Variants in PPP1R16B observed in about 807,000 individuals in gnomAD.
PPP1R16B encodes the protein protein phosphatase 1 regulatory subunit 16B.
PPP1R16B carries 14 observed loss-of-function variants against 61.7 expected under a neutral mutation model. The observed-to-expected ratio is 0.23, with a 90% CI of 0.15 to 0.35. The LOEUF (loss-of-function observed/expected upper bound fraction) is 0.35, where lower values mean the gene tolerates loss of function less well. Among genes scored for constraint, PPP1R16B ranks in the 10% least tolerant of loss-of-function variants. PPP1R16B has a pLI of 1.00. For synonymous variants in PPP1R16B, 266 were observed against 305.3 expected (o/e 0.87, Z 1.34); for missense variants, 547 against 752.5 (o/e 0.73, Z 3.19).
chr20:38,916,031 A>G (rs1011461375), intron 10 of PPP1R16B, among the ~76,000 whole-genome samples: 5 of 150,788 alleles, frequency 3.3e-5, no homozygotes, highest in African/African-American at 9.8e-5. Context: ...TCTCCATGAC[A>G]TGGCATCAGT....
At chr20:38,900,403 C>T (rs552095905) in intron 4 of PPP1R16B, among the ~76,000 whole-genome samples, 178 bp from the exon 5 acceptor site, 1 of 152,178 alleles carries the variant, frequency 6.6e-6, no homozygotes, top group Non-Finnish European at 1.5e-5. Flanking sequence ...CTGAAGCTGT[C>T]GTGCTCTTGG....
intron 10 of PPP1R16B, among the ~76,000 whole-genome samples, chr20:38,911,434 G>A (rs1413687995): frequency 6.6e-6 from 1 of 151,996 alleles, no homozygotes; most frequent in African/African-American, 2.4e-5. Flanking sequence ...CCAAAGTGCT[G>A]GGATTACAGG....
intron 3 of PPP1R16B, among the ~76,000 whole-genome samples, chr20:38,892,922 G>A (rs1186240678): frequency 6.6e-6 from 1 of 152,230 alleles, no homozygotes; most frequent in Non-Finnish European, 1.5e-5. Flanking sequence ...GGCACAGTTA[G>A]AGAGCAGGGA....
chr20:38,881,220 A>G (rs2085201406), intron 2 of PPP1R16B, among the ~76,000 whole-genome samples: 1 of 152,220 alleles, frequency 6.6e-6, no homozygotes. Flanking sequence ...CCTCAGCTCC[A>G]GGCAGCCGGG....
rs755727509 is a variant in PPP1R16B at position 38,918,705 on chromosome 20, C to T, written c.*39C>T. 2.7e-6 allele frequency: 4 copies of T among 1,485,496 alleles called. No homozygotes were observed. The highest frequency in any genetic ancestry group is 2.8e-5 in the South Asian group (2 of 70,614). 92.0% of individuals were successfully genotyped at this position (1,485,496 alleles called of 1,614,324 possible). A position where few individuals can be genotyped will look rare whatever the true frequency, so the allele number is the denominator to read the frequency against. ...GAGGAGGGAGATGCCTGGGGAGGGG[C>T]TCCTGGAATCCAGGCCAGCCCAACA... On this transcript the variant is annotated 3_prime_UTR_variant, in exon 11 of 11. Coordinates refer to ENST00000299824, the MANE Select transcript of PPP1R16B (RefSeq NM_015568.4). The surrounding 1 kb of genome is among the most constrained non-coding windows in gnomAD (Gnocchi z 5.3).
Position 38,835,971 on chromosome 20 carries a change from A to AAGGT in PPP1R16B, c.47_50dup (p.Pro18GlyfsTer36). 1 of 1,549,666 alleles carries AAGGT rather than the reference A, an allele frequency of 6.5e-7. No individual in the cohort carries two copies. The highest frequency in any genetic ancestry group is 8.7e-7 in the Non-Finnish European group (1 of 1,148,224). ...GCTGACGGAGCTGCAGCTGCTGGAG[A>AAGGT]AGGTGCCCACGCTGGAGCGGCTGCG... On this transcript the variant is annotated frameshift_variant, in exon 2 of 11. Coordinates refer to ENST00000299824, the MANE Select transcript of PPP1R16B (RefSeq NM_015568.4). LOFTEE classifies it high-confidence loss of function.
intron 10 of PPP1R16B, among the ~76,000 whole-genome samples, chr20:38,915,878 A>G (rs976384406): frequency 1.3e-5 from 2 of 152,016 alleles, no homozygotes; most frequent in Non-Finnish European, 2.9e-5. Flanking sequence ...TCTAAGCATC[A>G]GCAGGAAATT....
In PPP1R16B at chr20:38,889,673, C is replaced by T. The variant is rs370503844; in HGVS notation, c.321+8C>T. ...CTCACAGCCCTACACCAGGTAAGGC[C>T]GGGCTCGTTGGGGCTCCAGGGCTCC... On this transcript the variant is annotated splice_region_variant and intron_variant, in intron 3 of 10. Coordinates refer to ENST00000299824, the MANE Select transcript of PPP1R16B (RefSeq NM_015568.4). 4.6e-5 allele frequency: 73 copies of T among 1,579,128 alleles called. No individual in the cohort carries two copies. Among genetic ancestry groups the T allele is most frequent in the Non-Finnish European group, 5.5e-5 (63 of 1,148,198 alleles).
intron 2 of PPP1R16B, among the ~76,000 whole-genome samples, chr20:38,882,551 C>G (rs575901212): frequency 6.6e-6 from 1 of 152,158 alleles, no homozygotes; most frequent in Non-Finnish European, 1.5e-5. Context: ...TGGCCTCACT[C>G]GATTTTGTAC....
chr20:38,878,569 C>T (rs73905696), intron 2 of PPP1R16B, among the ~76,000 whole-genome samples: 3,109 of 152,286 alleles, frequency 0.02, 108 homozygotes, highest in African/African-American at 0.072. Context: ...AGTCTCAGTG[C>T]TTACTAGCTA....
intron 10 of PPP1R16B, among the ~76,000 whole-genome samples, chr20:38,914,621 T>C (rs1045476061): frequency 1.3e-5 from 2 of 152,242 alleles, no homozygotes; most frequent in Non-Finnish European, 2.9e-5. Context: ...TTCCTCTTCC[T>C]TCAATGCTCT....
chr20:38,903,932 G>T (rs539026899), intron 6 of PPP1R16B, among the ~76,000 whole-genome samples: 64 of 152,286 alleles, frequency 4.2e-4, no homozygotes, highest in Admixed American at 1.2e-3. Flanking sequence ...CCCTGTCCCA[G>T]GCTTAGGTTC....
intron 6 of PPP1R16B, among the ~76,000 whole-genome samples, chr20:38,905,307 G>T (rs2145777196): frequency 6.6e-6 from 1 of 152,218 alleles, no homozygotes; most frequent in Non-Finnish European, 1.5e-5. Context: ...GGCTTGACTG[G>T]TACTGGAAGA....
intron 2 of PPP1R16B, among the ~76,000 whole-genome samples, chr20:38,878,919 G>A (rs1429724935): frequency 6.6e-6 from 1 of 152,180 alleles, no homozygotes; most frequent in Non-Finnish European, 1.5e-5. Context: ...GGGTTTTAGA[G>A]AGCAAGAGCG....
At position 38,895,835 on chromosome 20, in the gene PPP1R16B, T is replaced by C. The variant is rs868233751; in HGVS notation, c.467+125T>C. 3,128 of 907,560 alleles carry C rather than the reference T, an allele frequency of 3.4e-3. 29 individuals carry two copies. Among genetic ancestry groups the C allele is most frequent in the East Asian group, 0.013 (330 of 24,582 alleles). 56.2% of individuals were successfully genotyped at this position (907,560 alleles called of 1,614,324 possible). Reference sequence around the variant, plus strand: ...CTCCCTTCCTCCTTCCTTCTTTCTCTCCTCCCTTCCTCCTTCCTTCTTTCT... The same window carrying C: ...CTCCCTTCCTCCTTCCTTCTTTCTCCCCTCCCTTCCTCCTTCCTTCTTTCT... On this transcript the variant is annotated intron_variant, in intron 4 of 10. Coordinates refer to ENST00000299824, the MANE Select transcript of PPP1R16B (RefSeq NM_015568.4).
chr20:38,888,470 A>T (rs1303333325), intron 2 of PPP1R16B, among the ~76,000 whole-genome samples: 3 of 152,184 alleles, frequency 2.0e-5, no homozygotes, highest in African/African-American at 7.2e-5. Flanking sequence ...TCCAGGGAAG[A>T]TCCTATTGAG....
At chr20:38,875,804 C>T (rs1442294009) in intron 2 of PPP1R16B, among the ~76,000 whole-genome samples, 2 of 151,718 alleles carry the variant, frequency 1.3e-5, no homozygotes, top group African/African-American at 4.8e-5. Context: ...GGGGGAGGTT[C>T]GTGCACCTTT....
intron 2 of PPP1R16B, among the ~76,000 whole-genome samples, chr20:38,876,964 A>AT (rs1033182496): frequency 3.7e-4 from 57 of 152,138 alleles, no homozygotes; most frequent in Middle Eastern, 3.4e-3. Context: ...TATGGAAAGC[A>AT]TTTTTTTCCT....
chr20:38,820,656 C>G (rs1465404810), intron 1 of PPP1R16B, among the ~76,000 whole-genome samples: 1 of 151,816 alleles, frequency 6.6e-6, no homozygotes, highest in African/African-American at 2.4e-5. Context: ...CATTGCTGAA[C>G]AGTTTTAAAA....
Sources: gnomAD v4.1 joint callset for allele counts (sites outside exome capture counted in the v4.1 genomes callset) on GRCh38, gnomAD v4.1.1 for gene constraint, Gnocchi (gnomAD v3.1) non-coding constraint, MANE v1.5 for transcripts, NCBI Gene and HGNC (gene_info 2026-07-23, HGNC 2026-07-21) for gene names.